Variants in WRN observed in about 807,000 individuals in gnomAD.
WRN encodes bifunctional 3'-5' exonuclease/ATP-dependent helicase WRN.
WRN carries 149 observed loss-of-function variants against 180.7 expected under a neutral mutation model. The ratio of observed to expected loss-of-function variants is 0.82; its 90% CI spans 0.72 to 0.94. The LOEUF is 0.94. WRN is among the 40% of genes least tolerant of loss of function. The pLI is 0.00. For missense variants in WRN, 1,661 were observed against 1,700.1 expected, an observed-to-expected ratio of 0.98 and a Z score of 0.40; for synonymous variants, 548 against 568.9, an observed-to-expected ratio of 0.96 and a Z score of 0.52.
chr8:31,055,317 G>A (rs951724567), intron 1 of WRN, among the ~76,000 whole-genome samples: 2 of 152,230 alleles, frequency 1.3e-5, no homozygotes, highest in African/African-American at 2.4e-5. Flanking sequence ...TTGAGGAATC[G>A]CCACACTGTC....
chr8:31,169,506 T>A (rs1281233479), intron 34 of WRN, among the ~76,000 whole-genome samples: 1 of 152,190 alleles, frequency 6.6e-6, no homozygotes, highest in East Asian at 1.9e-4. Flanking sequence ...ATTTTCCTAA[T>A]GTTTTCCAGC....
chr8:31,173,639 A>T lies in WRN; in HGVS notation c.*537A>T, dbSNP rs1804182185. The T allele has an allele frequency of 5.9e-6, 1 of 170,228 alleles. No individual in the cohort carries two copies. The highest frequency in any genetic ancestry group is 6.4e-5 in the Admixed American group (1 of 15,716). 10.5% of individuals were successfully genotyped at this position (170,228 alleles called of 1,614,324 possible). ...GCATTTTGGGTGCCATTAAATAGGG[A>T]AAAAACATGTAAAAAATGTAAAATG... On this transcript the variant is annotated 3_prime_UTR_variant, in exon 35 of 35. Transcript: ENST00000298139.
chr8:31,132,752 T>A (rs1802235049), intron 24 of WRN, among the ~76,000 whole-genome samples: 1 of 152,222 alleles, frequency 6.6e-6, no homozygotes, highest in Admixed American at 6.5e-5. Flanking sequence ...CTGGAAGCAT[T>A]GTGTTAATTT....
In WRN at chr8:31,094,706, C is replaced by T. The variant is rs533355278; in HGVS notation, c.1899-2062C>T. ...TCTACTTTCTGTCTCTATGATTTGC[C>T]TATTCTGGATGTTTCTATAAATTAA... On this transcript the variant is annotated intron_variant, in intron 16 of 34. Coordinates refer to ENST00000298139, the MANE Select transcript of WRN (RefSeq NM_000553.6). 1.6e-4 allele frequency among the ~76,000 whole-genome samples: 24 copies of T among 152,230 alleles called. 1 individual carries two copies. The South Asian group carries it at 5.0e-3, about 32-fold the overall frequency.
chr8:31,098,387 A>T (rs1814078921), intron 17 of WRN, among the ~76,000 whole-genome samples: 1 of 152,186 alleles, frequency 6.6e-6, no homozygotes, highest in Non-Finnish European at 1.5e-5. Context: ...AAGCTTAAGT[A>T]TTTAAGCAAA....
At chr8:31,128,002 T>C (rs1403405898) in intron 23 of WRN, among the ~76,000 whole-genome samples, 1 of 151,908 alleles carries the variant, frequency 6.6e-6, no homozygotes, top group Non-Finnish European at 1.5e-5. Context: ...CCCAGTCCTT[T>C]GGAAGGCCGA....
intron 8 of WRN, among the ~76,000 whole-genome samples, chr8:31,077,999 G>T (rs954252568): frequency 6.6e-6 from 1 of 152,150 alleles, no homozygotes; most frequent in African/African-American, 2.4e-5. Flanking sequence ...GTCACAACAG[G>T]TTGTTTCAGT....
intron 1 of WRN, among the ~76,000 whole-genome samples, chr8:31,044,017 A>G (rs1339829402): frequency 2.6e-5 from 4 of 152,034 alleles, no homozygotes; most frequent in African/African-American, 9.7e-5. Flanking sequence ...CTTTGCATTT[A>G]TATATACATA....
rs753428420 is a variant in WRN at position 31,111,673 on chromosome 8, G to A, written c.2147G>A (p.Arg716His). The A allele has an allele frequency of 6.8e-6, 11 of 1,613,930 alleles. No homozygotes were observed. The highest frequency in any genetic ancestry group is 2.7e-5 in the African/African-American group (2 of 74,898). Reference protein sequence around the residue: ...ASSSIREDIVRCLNLRNPQIT... With the variant: ...ASSSIREDIVHCLNLRNPQIT... The stretch of plus-strand genomic sequence containing the variant: ...TCTTCAATCCGGGAAGACATTGTAC[G>A]TTGCTTAAATCTGAGAAATCCTCAG... Residue 716 changes from arginine to histidine, a missense_variant, in exon 19 of 35, where the codon CGT becomes CAT. This residue lies in a region of WRN where 1,141 missense variants were observed against 1,149.4 expected (regional missense o/e 0.99). Coordinates refer to ENST00000298139, the MANE Select transcript of WRN (RefSeq NM_000553.6).
chr8:31,049,123 A>G (rs1811985217), intron 1 of WRN, among the ~76,000 whole-genome samples: 1 of 129,848 alleles, frequency 7.7e-6, no homozygotes, highest in African/African-American at 2.8e-5. Context: ...AGGCAGGAGA[A>G]TGGCGTGAAC....
rs185795393 is a variant in WRN, at chr8:31,154,095, T to G, written c.3688-529T>G. On this transcript the variant is annotated intron_variant, in intron 31 of 34. Transcript: ENST00000298139. ...TAATCTTGTTTTTCAGTTTTTCCCA[T>G]TTTTTCTTTTAAACATTTCTTAAGG... Among the ~76,000 whole-genome samples the G allele has an allele frequency of 1.9e-3, 296 of 152,066 alleles. 1 individual carries two copies. The highest frequency in any genetic ancestry group is 6.8e-3 in the African/African-American group (283 of 41,584).
intron 1 of WRN, among the ~76,000 whole-genome samples, chr8:31,046,496 AAGG>A (rs1239480424): frequency 6.6e-6 from 1 of 152,202 alleles, no homozygotes; most frequent in Non-Finnish European, 1.5e-5. Flanking sequence ...TCTCCAAAAA[AAGG>A]AGAAAAATGA....
intron 34 of WRN, among the ~76,000 whole-genome samples, chr8:31,170,139 C>G (rs1563395218): frequency 6.6e-6 from 1 of 152,144 alleles, no homozygotes; most frequent in Non-Finnish European, 1.5e-5. Context: ...TACATTCTTA[C>G]AGTTTTAGTT....
At chr8:31,034,083 G>T (rs574356154) in intron 1 of WRN, 110 bp downstream of exon 1, 48 of 152,422 alleles carry the variant, frequency 3.1e-4, no homozygotes, top group African/African-American at 1.1e-3. Context: ...AGGCCCCTGG[G>T]CTGTGTTTGG....
At position 31,090,926 on chromosome 8, in the gene WRN, C is replaced by A; in HGVS notation, c.1813C>A (p.Gln605Lys). The A allele has an allele frequency of 6.2e-7, 1 of 1,612,154 alleles. No homozygotes were observed. Among genetic ancestry groups the A allele is most frequent in the Non-Finnish European group, 8.5e-7 (1 of 1,178,632 alleles). Residue 605 changes from glutamine to lysine, a missense_variant, in exon 15 of 35, where the codon CAA (glutamine) becomes AAA (lysine). Gln to Lys is a moderately conservative substitution (Grantham distance 53). This residue lies in a region of WRN where 1,141 missense variants were observed against 1,149.4 expected (regional missense o/e 0.99). Coordinates refer to ENST00000298139, the MANE Select transcript of WRN (RefSeq NM_000553.6). Reference protein sequence around the residue: ...ISPLISLMEDQVLQLKMSNIP... With the variant: ...ISPLISLMEDKVLQLKMSNIP... ...TCCCCTTATTTCTCTGATGGAAGAC[C>A]AAGTGCTACAGCTTAAGTAAGTCAT...
chr8:31,095,433 G>T (rs957201219), intron 16 of WRN, among the ~76,000 whole-genome samples: 1 of 152,030 alleles, frequency 6.6e-6, no homozygotes, highest in Non-Finnish European at 1.5e-5. Flanking sequence ...CCAGTTTGTC[G>T]ATTCGTTCTT....
rs527472070 is a variant in WRN, at chr8:31,103,458, A to G, written c.2088+2503A>G. 5.9e-5 allele frequency among the ~76,000 whole-genome samples: 9 copies of G among 152,336 alleles called. No individual in the cohort carries two copies. The East Asian group carries it at 1.7e-3, about 29-fold the overall frequency. On this transcript the variant is annotated intron_variant, in intron 18 of 34. Coordinates refer to ENST00000298139, the MANE Select transcript of WRN (RefSeq NM_000553.6). ...GCTAAGACATTATGCTGGCTATGAC[A>G]TCACTTGGTGATAGGAATTTTTCAG...
intron 15 of WRN, 74 bp from the exon 16 acceptor site, chr8:31,091,756 C>G: frequency 7.5e-7 from 1 of 1,333,540 alleles, no homozygotes; most frequent in Non-Finnish European, 1.1e-6. Context: ...TTTCTTTATT[C>G]TTTCTCACTT....
intron 1 of WRN, among the ~76,000 whole-genome samples, chr8:31,051,145 C>A (rs946194128): frequency 2.6e-5 from 4 of 151,798 alleles, no homozygotes; most frequent in African/African-American, 9.7e-5. Context: ...AGCAATTAGG[C>A]AAGTCAGTTA....
Sources: gnomAD v4.1 joint callset for allele counts (sites outside exome capture counted in the v4.1 genomes callset) on GRCh38, gnomAD v4.1.1 for gene constraint, gnomAD v4.1.1 regional missense constraint, MANE v1.5 for transcripts, NCBI Gene and HGNC (gene_info 2026-07-23, HGNC 2026-07-21) for gene names.